AFF1: variants seen among roughly 807,000 people sequenced by gnomAD.
The protein encoded by AFF1 is AF4/FMR2 family member 1.
AFF1 carries 48 observed loss-of-function variants against 121.7 expected under a neutral mutation model. That is an observed-to-expected ratio of 0.39 (90% CI 0.31 to 0.50). The LOEUF is 0.50. AFF1 is among the 20% of genes least tolerant of loss of function. The pLI, the probability that AFF1 is intolerant of heterozygous loss-of-function variation, is 0.76. For missense variants in AFF1, 1,523 were observed against 1,511.7 expected (o/e 1.01, Z -0.12); for synonymous variants, 613 against 563.0 (o/e 1.09, Z -1.26).
intron 4 of AFF1, among the ~76,000 whole-genome samples, chr4:87,073,973 G>A (rs1287592484): frequency 1.3e-5 from 2 of 151,416 alleles, no homozygotes; most frequent in Non-Finnish European, 1.5e-5. Context: ...GCTCGTGTGT[G>A]TGTGCACGTG....
At chr4:86,949,916 C>T (rs1368485108) in intron 2 of AFF1, 35 of 1,613,806 alleles carry the variant, frequency 2.2e-5, no homozygotes, top group Admixed American at 1.2e-4. Flanking sequence ...TGGGATCTTC[C>T]GCGTCTTGGA....
intron 4 of AFF1, among the ~76,000 whole-genome samples, chr4:87,069,271 C>CTTTTTTTT (rs753186809): frequency 3.7e-5 from 3 of 80,568 alleles, no homozygotes; most frequent in Admixed American, 1.5e-4. Flanking sequence ...TGTGTGGCCT[C>CTTTTTTTT]TTTTTTTTTT....
chr4:87,006,843 C>G (rs993511087), intron 2 of AFF1: 10 of 539,836 alleles, frequency 1.9e-5, no homozygotes, highest in Non-Finnish European at 2.2e-5. Flanking sequence ...GCTCTGCCCC[C>G]TACCCGACCC....
intron 8 of AFF1, among the ~76,000 whole-genome samples, chr4:87,102,322 T>G (rs765511254): frequency 6.6e-6 from 1 of 152,222 alleles, no homozygotes; most frequent in Non-Finnish European, 1.5e-5. Flanking sequence ...AAAAGTTAAT[T>G]TGTCTTCATA....
chr4:87,135,968 A>G lies in AFF1; in HGVS notation c.*267A>G. On this transcript the variant is annotated 3_prime_UTR_variant, in exon 21 of 21. Transcript: ENST00000395146. ...AGGACAGAAGTGCAATTTAGCTTAA[A>G]TGGGTGTATGAATGGTCTAGAAACA... 2.5e-6 allele frequency: 1 copy of G among 396,968 alleles called. No individual in the cohort carries two copies. The highest frequency in any genetic ancestry group is 4.4e-6 in the Non-Finnish European group (1 of 227,598). 24.6% of individuals were successfully genotyped at this position (396,968 alleles called of 1,614,324 possible).
rs1321624231 is a variant in AFF1, at chr4:87,137,983, C to T, written c.*2282C>T. ...GACATTTCCAGGTAGATTTCTCAGC[C>T]AGCTCTAAAACAGATTGCTTTTTCA... On this transcript the variant is annotated 3_prime_UTR_variant, in exon 21 of 21. Transcript: ENST00000395146. 1.7e-5 allele frequency: 4 copies of T among 230,768 alleles called. No homozygotes were observed. Among genetic ancestry groups the T allele is most frequent in the African/African-American group, 4.5e-5 (2 of 44,940 alleles). The allele number at this position is 230,768 out of a possible 1,614,324, so 14.3% of individuals were successfully genotyped here. A position where few individuals can be genotyped will look rare whatever the true frequency, so the allele number is the denominator to read the frequency against.
chr4:87,051,801 A>G (rs562299229), intron 4 of AFF1, among the ~76,000 whole-genome samples: 159 of 152,226 alleles, frequency 1.0e-3, no homozygotes, highest in African/African-American at 3.7e-3. Flanking sequence ...ACTGTGTTCC[A>G]TGCACTGTAG....
At chr4:86,945,922 T>C (rs1197681784) in intron 1 of AFF1, among the ~76,000 whole-genome samples, 1 of 152,244 alleles carries the variant, frequency 6.6e-6, no homozygotes, top group Non-Finnish European at 1.5e-5. Flanking sequence ...CAGTTTGGTA[T>C]ATGCTATTCC....
chr4:87,120,504 T>C (rs1275145153), intron 12 of AFF1, among the ~76,000 whole-genome samples: 2 of 152,182 alleles, frequency 1.3e-5, no homozygotes, highest in African/African-American at 2.4e-5. Flanking sequence ...TGAGTAAAAA[T>C]AGATCTGCAG....
At position 87,138,906 on chromosome 4, in the gene AFF1, T is replaced by A. The variant is rs1200039053; in HGVS notation, c.*3205T>A. On this transcript the variant is annotated 3_prime_UTR_variant, in exon 21 of 21. Coordinates refer to ENST00000395146, the MANE Select transcript of AFF1 (RefSeq NM_001166693.3). ...GATTGGACCGCACTTATCTCCCTTG[T>A]CCTGTATCCTTTAATTTCAGGTCTC... 4.4e-6 allele frequency: 1 copy of A among 228,212 alleles called. No individual in the cohort carries two copies. Among genetic ancestry groups the A allele is most frequent in the South Asian group, 1.8e-4 (1 of 5,496 alleles). The allele number at this position is 228,212 out of a possible 1,614,324, so 14.1% of individuals were successfully genotyped here.
At chr4:86,963,893 C>G (rs1439517895) in intron 2 of AFF1, among the ~76,000 whole-genome samples, 1 of 150,468 alleles carries the variant, frequency 6.6e-6, no homozygotes, top group Non-Finnish European at 1.5e-5. Flanking sequence ...ATCTCCTGGG[C>G]TCAAGTGATC....
chr4:87,059,740 C>T (rs988456163), intron 4 of AFF1, among the ~76,000 whole-genome samples: 15 of 152,160 alleles, frequency 9.9e-5, no homozygotes, highest in African/African-American at 3.1e-4. Flanking sequence ...CACTGCAGCC[C>T]CCAGACCCTT....
chr4:87,115,347 G>A (rs1460060381), intron 12 of AFF1, 48 bp downstream of exon 12: 2 of 1,479,558 alleles, frequency 1.4e-6, no homozygotes, highest in Middle Eastern at 1.8e-4. Context: ...CATCCTTGCT[G>A]TTGGCCTGGC....
At chr4:86,950,928 A>G (rs982789286) in intron 2 of AFF1, among the ~76,000 whole-genome samples, 1 of 152,164 alleles carries the variant, frequency 6.6e-6, no homozygotes, top group Non-Finnish European at 1.5e-5. Context: ...CAAGATTGTG[A>G]AAATAATGTC....
rs756591263 is a variant in AFF1 at position 87,114,398 on chromosome 4, T to G, written c.1565T>G (p.Leu522Arg). 6.2e-7 allele frequency: 1 copy of G among 1,602,858 alleles called. No homozygotes were observed. The highest frequency in any genetic ancestry group is 2.2e-5 in the East Asian group (1 of 44,834). ...PEPPTTNKWQLDNWLTKVSQP... is the reference protein window; with the variant it reads ...PEPPTTNKWQRDNWLTKVSQP... ...CCTCCAACAACAAACAAATGGCAGC[T>G]GGACAACTGGCTGACCAAAGTCAGC... Residue 522 changes from leucine to arginine, a missense_variant, in exon 12 of 21, where the codon CTG becomes CGG. Physicochemically the swap from Leu to Arg is moderately radical, Grantham distance 102 (BLOSUM62 -2). Around this residue, in one of 5 missense-constraint regions of AFF1, gnomAD observed 905 missense variants for 842.5 expected, o/e 1.07. Transcript: ENST00000395146.
intron 2 of AFF1, among the ~76,000 whole-genome samples, chr4:87,026,880 A>G (rs561214702): frequency 6.6e-6 from 1 of 152,332 alleles, no homozygotes; most frequent in South Asian, 2.1e-4. Context: ...CATAGACTCA[A>G]TCCTTCCTAA....
chr4:87,103,763 T>C (rs543857435), intron 8 of AFF1, among the ~76,000 whole-genome samples: 23 of 152,324 alleles, frequency 1.5e-4, no homozygotes, highest in Admixed American at 1.0e-3. Context: ...AGTTACAGAA[T>C]TTTTAATCCT....
At chr4:87,028,776 T>C (rs1364835780) in intron 2 of AFF1, among the ~76,000 whole-genome samples, 5 of 152,226 alleles carry the variant, frequency 3.3e-5, no homozygotes, top group African/African-American at 7.2e-5. Flanking sequence ...TGTGACAGAA[T>C]ATAACTATTA....
intron 2 of AFF1, among the ~76,000 whole-genome samples, chr4:87,011,034 G>A (rs549305195): frequency 2.8e-5 from 4 of 141,882 alleles, no homozygotes; most frequent in East Asian, 2.1e-4. Context: ...AGCTGAGATC[G>A]CACCACTGCA....
Sources: allele counts gnomAD v4.1 joint callset (sites outside exome capture counted in the v4.1 genomes callset), GRCh38; gene constraint gnomAD v4.1.1; regional missense constraint gnomAD v4.1.1; transcripts MANE v1.5; gene names NCBI Gene and HGNC (gene_info 2026-07-23, HGNC 2026-07-21).